EPHA6: variants seen among roughly 807,000 people sequenced by gnomAD.
The protein encoded by EPHA6 is EPH receptor A6.
In EPHA6, 50 loss-of-function variants were observed where a neutral mutation model predicts 112.0. The ratio of observed to expected loss-of-function variants is 0.45; its 90% CI spans 0.36 to 0.56. EPHA6 has a LOEUF of 0.56. EPHA6 is among the 20% of genes least tolerant of loss of function. The pLI, the probability that EPHA6 is intolerant of heterozygous loss-of-function variation, is 0.00. For missense variants in EPHA6, 1,280 were observed against 1,417.4 expected, an observed-to-expected ratio of 0.90 and a Z score of 1.56; for synonymous variants, 529 against 490.7, an observed-to-expected ratio of 1.08 and a Z score of -1.03.
chr3:96,820,483 G>C (rs2033167444), intron 1 of EPHA6, among the ~76,000 whole-genome samples: 1 of 151,994 alleles, frequency 6.6e-6, no homozygotes, highest in Middle Eastern at 3.4e-3. Flanking sequence ...AATATGTTTT[G>C]TAAATAGAAT....
In EPHA6 at chr3:97,255,439, T is replaced by C. The variant is rs1036505463; in HGVS notation, c.1606+11152T>C. 8.5e-5 allele frequency among the ~76,000 whole-genome samples: 13 copies of C among 152,196 alleles called. 1 individual carries two copies. Among genetic ancestry groups the C allele is most frequent in the Admixed American group, 7.2e-4 (11 of 15,278 alleles). ...GTGGTGATGAATAAACTTTGAGTTT[T>C]AGTTTTCTCTTATCGTTCAAACCCT... On this transcript the variant is annotated intron_variant, in intron 5 of 17. Transcript: ENST00000389672.
Position 97,001,016 on chromosome 3 carries a change from T to TTATATATATATATATATATA in EPHA6, c.1114+13023_1114+13024insTATATATATATATATATATA, listed in dbSNP as rs1334953124. On this transcript the variant is annotated intron_variant, in intron 3 of 17. Transcript: ENST00000389672. ...TAAACTCTCCAGCCCAGTCAGAAAT[T>TTATATATATATATATATATA]GATATATATATATATGCATGTGTGT... Among the ~76,000 whole-genome samples the TTATATATATATATATATATA allele has an allele frequency of 2.2e-4, 18 of 83,286 alleles. 1 individual carries two copies. The highest frequency in any genetic ancestry group is 1.1e-3 in the African/African-American group (14 of 13,022). The allele number at this position is 83,286 out of a possible 152,430, so 54.6% of individuals were successfully genotyped here.
At position 97,747,565 on chromosome 3, in the gene EPHA6, A is replaced by G; in HGVS notation, c.3271A>G (p.Ser1091Gly). The G allele has an allele frequency of 6.2e-7, 1 of 1,605,544 alleles. No individual in the cohort carries two copies. Among genetic ancestry groups the G allele is most frequent in the Non-Finnish European group, 8.5e-7 (1 of 1,175,934 alleles). ...FTTFDLISRM[S>G]IDDIRRIGVI... ...AACATTTGACCTGATTTCAAGAATG[A>G]GCATTGAGTAAGTGATACTAGGTTT... Residue 1091 changes from serine (S) to glycine (G), a missense_variant, in exon 17 of 18, where the codon AGC (serine) becomes GGC (glycine). By Grantham distance (56) the Ser-to-Gly change is moderately conservative. Transcript: ENST00000389672.
intron 5 of EPHA6, among the ~76,000 whole-genome samples, chr3:97,259,919 G>T (rs1321403626): frequency 6.6e-6 from 1 of 151,524 alleles, no homozygotes; most frequent in African/African-American, 2.4e-5. Context: ...TTCCGCCTCA[G>T]CCTCCTCAGT....
At chr3:97,316,360 A>T (rs575120365) in intron 5 of EPHA6, among the ~76,000 whole-genome samples, 8 of 151,974 alleles carry the variant, frequency 5.3e-5, no homozygotes, top group African/African-American at 1.7e-4. Context: ...CTCTGATTAG[A>T]TGTGCTCATA....
chr3:97,576,782 G>T (rs939003392), intron 11 of EPHA6, among the ~76,000 whole-genome samples: 2 of 151,880 alleles, frequency 1.3e-5, no homozygotes, highest in African/African-American at 4.8e-5. Context: ...AAAAGAAAAA[G>T]ATTTCTATTA....
intron 11 of EPHA6, among the ~76,000 whole-genome samples, chr3:97,538,981 C>CTT (rs1553805894): frequency 2.5e-4 from 32 of 130,240 alleles, no homozygotes; most frequent in African/African-American, 8.1e-4. Flanking sequence ...CACTTTCTCT[C>CTT]TCTTTCTTTC....
At chr3:97,702,597 T>C (rs1285029540) in intron 14 of EPHA6, among the ~76,000 whole-genome samples, 1 of 152,200 alleles carries the variant, frequency 6.6e-6, no homozygotes, top group African/African-American at 2.4e-5. Flanking sequence ...CTTATTATAA[T>C]GCCTAATGAT....
intron 1 of EPHA6, among the ~76,000 whole-genome samples, chr3:96,841,809 T>C (rs1449653320): frequency 6.6e-6 from 1 of 152,106 alleles, no homozygotes; most frequent in Non-Finnish European, 1.5e-5. Flanking sequence ...AAATGTTGAG[T>C]AAAAGTGATT....
At chr3:96,899,154 A>T (rs1169661702) in intron 2 of EPHA6, among the ~76,000 whole-genome samples, 1 of 151,972 alleles carries the variant, frequency 6.6e-6, no homozygotes, top group Admixed American at 6.6e-5. Flanking sequence ...TTAGGAAAAA[A>T]ATTTTTCTTG....
intron 7 of EPHA6, chr3:97,466,199 C>A (rs2091046652): frequency 6.7e-6 from 5 of 745,320 alleles, no homozygotes; most frequent in Non-Finnish European, 1.2e-5. Flanking sequence ...CCAATCCTAT[C>A]CATCCAGTTA....
intron 5 of EPHA6, among the ~76,000 whole-genome samples, chr3:97,265,098 C>T (rs76091227): frequency 0.043 from 6,538 of 152,232 alleles, 179 homozygotes; most frequent in Non-Finnish European, 0.07. Context: ...GTCTGCTTTG[C>T]TCTGGCTAAC....
At chr3:97,616,749 A>T (rs182552539) in intron 13 of EPHA6, among the ~76,000 whole-genome samples, 1 of 152,324 alleles carries the variant, frequency 6.6e-6, no homozygotes, top group African/African-American at 2.4e-5. Context: ...ATGAAAATGA[A>T]TAAACAAAAC....
intron 3 of EPHA6, among the ~76,000 whole-genome samples, chr3:97,085,427 G>A (rs1041187510): frequency 6.6e-6 from 1 of 152,084 alleles, no homozygotes; most frequent in East Asian, 1.9e-4. Context: ...GACAGCATAT[G>A]GCCAACATGC....
intron 5 of EPHA6, among the ~76,000 whole-genome samples, chr3:97,285,042 C>T (rs1208352613): frequency 2.0e-5 from 3 of 152,056 alleles, no homozygotes; most frequent in African/African-American, 7.2e-5. Flanking sequence ...ACTTGTTCAG[C>T]CTCTGGAATA....
chr3:97,619,089 C>G (rs555076717), intron 13 of EPHA6, among the ~76,000 whole-genome samples: 1 of 151,910 alleles, frequency 6.6e-6, no homozygotes, highest in Non-Finnish European at 1.5e-5. Flanking sequence ...TGATCATCCC[C>G]AGGGTGCAAG....
chr3:97,284,232 G>A (rs1024484033), intron 5 of EPHA6, among the ~76,000 whole-genome samples: 3 of 151,988 alleles, frequency 2.0e-5, no homozygotes, highest in Admixed American at 6.6e-5. Flanking sequence ...CTAGATATTT[G>A]ATTCTTATTG....
chr3:97,751,165 C>T lies in EPHA6; in HGVS notation c.*2464C>T, dbSNP rs547143089. ...TTCCACAGGACTCTGTCGGCACCAT[C>T]TGTGTACCTTGAAATAAATTCTATT... On this transcript the variant is annotated 3_prime_UTR_variant, in exon 18 of 18. Coordinates refer to ENST00000389672, the MANE Select transcript of EPHA6 (RefSeq NM_001080448.3). 3.1e-4 allele frequency among the ~76,000 whole-genome samples: 47 copies of T among 152,200 alleles called. No homozygotes were observed. The South Asian group carries it at 9.1e-3, about 30-fold the overall frequency.
At chr3:97,689,694 A>AT (rs1049127205) in intron 14 of EPHA6, among the ~76,000 whole-genome samples, 12 of 152,068 alleles carry the variant, frequency 7.9e-5, no homozygotes, top group South Asian at 6.3e-4. Context: ...CCATTTGATG[A>AT]TTTTTTTTGT....
Sources: allele counts gnomAD v4.1 joint callset (sites outside exome capture counted in the v4.1 genomes callset), GRCh38; gene constraint gnomAD v4.1.1; transcripts MANE v1.5; gene names NCBI Gene and HGNC (gene_info 2026-07-23, HGNC 2026-07-21).